SMPDL3B: variants seen among roughly 807,000 people sequenced by gnomAD.
SMPDL3B encodes acid sphingomyelinase-like phosphodiesterase 3b.
In SMPDL3B, 31 loss-of-function variants were observed where a neutral mutation model predicts 37.9. The observed-to-expected ratio is 0.82, with a 90% CI of 0.61 to 1.10. The LOEUF (loss-of-function observed/expected upper bound fraction) is 1.10. Ranked by LOEUF, SMPDL3B falls within the 50% of genes least tolerant of loss-of-function variation. SMPDL3B has a pLI of 0.00. For synonymous variants in SMPDL3B, 235 were observed against 242.6 expected, an observed-to-expected ratio of 0.97 and a Z score of 0.29; for missense variants, 525 against 597.8, an observed-to-expected ratio of 0.88 and a Z score of 1.27.
At chr1:27,935,767 T>G (rs4463696) in intron 1 of SMPDL3B, among the ~76,000 whole-genome samples, 59,460 of 151,844 alleles carry the variant, frequency 0.39, 12,122 homozygotes, top group South Asian at 0.55. Context: ...TTACAAGACG[T>G]CCAGAGAAGA....
rs759636888 is a variant in SMPDL3B at position 27,954,389 on chromosome 1, G to T, written c.553G>T (p.Gly185Trp). 8.1e-6 allele frequency: 13 copies of T among 1,614,060 alleles called. No homozygotes were observed. In the Middle Eastern group the frequency reaches 9.9e-4, roughly 123 times the overall value. ...FYCEKLPGPS[G>W]AGRIVVLNTN... ...CTGTGAGAAGCTGCCGGGTCCCAGC[G>T]GGGCTGGGCGAATTGTGGTCCTCAA... The change falls in exon 5 of 8, where the codon GGG becomes TGG. Residue 185 changes from glycine to tryptophan, a missense_variant. Coordinates refer to ENST00000373894, the MANE Select transcript of SMPDL3B (RefSeq NM_014474.4).
At chr1:27,957,383 C>T (rs577711859) in intron 7 of SMPDL3B, among the ~76,000 whole-genome samples, 86 of 152,186 alleles carry the variant, frequency 5.7e-4, no homozygotes, top group African/African-American at 2.0e-3. Context: ...GCCTGTGCAA[C>T]GGTAGGCTGT....
chr1:27,955,840 T>A lies in SMPDL3B; in HGVS notation c.847T>A (p.Phe283Ile). The A allele has an allele frequency of 6.2e-7, 1 of 1,614,038 alleles. No homozygotes were observed. The change falls in exon 6 of 8, where the codon TTT (phenylalanine) becomes ATT (isoleucine). Residue 283 changes from phenylalanine (F) to isoleucine (I), a missense_variant. By Grantham distance (21) the Phe-to-Ile change is conservative. Transcript: ENST00000373894. Reference protein sequence around the residue: ...QFFGHHHTDSFRMLYDDAGVP... With the variant: ...QFFGHHHTDSIRMLYDDAGVP... ...CTTCGGGCACCACCACACCGACAGC[T>A]TTCGGATGCTCTATGATGATGCAGG...
In SMPDL3B at chr1:27,954,396, G is replaced by A; in HGVS notation, c.560G>A (p.Gly187Glu). The A allele has an allele frequency of 6.2e-7, 1 of 1,614,094 alleles. No individual in the cohort carries two copies. Among genetic ancestry groups the A allele is most frequent in the African/African-American group, 1.3e-5 (1 of 75,052 alleles). Reference sequence around the variant, plus strand: ...AAGCTGCCGGGTCCCAGCGGGGCTGGGCGAATTGTGGTCCTCAACACCAAT... The same window carrying A: ...AAGCTGCCGGGTCCCAGCGGGGCTGAGCGAATTGTGGTCCTCAACACCAAT... ...CEKLPGPSGA[G>E]RIVVLNTNLY... is the part of the protein sequence containing the mutation. The change falls in exon 5 of 8, where the codon GGG becomes GAG. Residue 187 changes from glycine (G) to glutamate (E), a missense_variant. Gly to Glu is a moderately conservative substitution (Grantham distance 98). Transcript: ENST00000373894.
intron 2 of SMPDL3B, among the ~76,000 whole-genome samples, chr1:27,947,854 T>C (rs1279357974): frequency 6.6e-6 from 1 of 151,910 alleles, no homozygotes; most frequent in Non-Finnish European, 1.5e-5. Flanking sequence ...GTGCTGGGAT[T>C]ACAGGCGTGA....
chr1:27,948,348 T>C (rs971291196), intron 2 of SMPDL3B, among the ~76,000 whole-genome samples: 1 of 152,204 alleles, frequency 6.6e-6, no homozygotes, highest in Non-Finnish European at 1.5e-5. Flanking sequence ...GCAGTATTAA[T>C]ACTATTATGC....
rs569861878 is a variant in SMPDL3B at position 27,953,505 on chromosome 1, G to T, written c.517+147G>T. On this transcript the variant is annotated intron_variant, in intron 4 of 7. Transcript: ENST00000373894. ...AGGGTCATACAGCTTAGAAAAGGCAGTCTTGGGAGCAGACTCCAGAATTAA... is the reference window on the plus strand; with the variant it reads ...AGGGTCATACAGCTTAGAAAAGGCATTCTTGGGAGCAGACTCCAGAATTAA... 7.3e-6 allele frequency: 5 copies of T among 688,700 alleles called. No individual in the cohort carries two copies. In the East Asian group the frequency reaches 1.4e-4, roughly 19 times the overall value. The allele number at this position is 688,700 out of a possible 1,614,324, so 42.7% of individuals were successfully genotyped here.
At chr1:27,939,381 C>T (rs2090337248) in intron 1 of SMPDL3B, among the ~76,000 whole-genome samples, 1 of 152,096 alleles carries the variant, frequency 6.6e-6, no homozygotes. Context: ...GACAGGGTCT[C>T]TATCTGTTGC....
rs941683996 is a variant in SMPDL3B at position 27,958,723 on chromosome 1, G to A, written c.1253G>A (p.Arg418His). 8 of 1,613,706 alleles carry A rather than the reference G, an allele frequency of 5.0e-6. No individual in the cohort carries two copies. The African/African-American group carries it at 6.7e-5, about 13-fold the overall frequency. ...AGCATGCAGCACGTGTGTGCCATGC[G>A]CCAGGTGGACATTGACGCTTACACC... Reference protein sequence around the residue: ...ACSMQHVCAMRQVDIDAYTTC... With the variant: ...ACSMQHVCAMHQVDIDAYTTC... Residue 418 changes from arginine to histidine, a missense_variant, in exon 8 of 8, where the codon CGC becomes CAC. Coordinates refer to ENST00000373894, the MANE Select transcript of SMPDL3B (RefSeq NM_014474.4). The surrounding 1 kb of genome is among the most constrained non-coding windows in gnomAD (Gnocchi z 5.6).
intron 1 of SMPDL3B, among the ~76,000 whole-genome samples, chr1:27,941,751 T>C (rs1164653925): frequency 2.0e-5 from 3 of 152,002 alleles, no homozygotes; most frequent in Admixed American, 6.6e-5. Flanking sequence ...TGTGGGAAGA[T>C]TGGGCGAGGC....
chr1:27,938,308 C>T (rs988512984), intron 1 of SMPDL3B, among the ~76,000 whole-genome samples: 12 of 152,190 alleles, frequency 7.9e-5, no homozygotes, highest in South Asian at 6.2e-4. Context: ...GATGAGGAAA[C>T]TAAGGCTCAG....
intron 3 of SMPDL3B, among the ~76,000 whole-genome samples, chr1:27,949,818 C>A (rs773969296): frequency 6.6e-6 from 1 of 152,026 alleles, no homozygotes; most frequent in Non-Finnish European, 1.5e-5. Flanking sequence ...AGCCCATAGC[C>A]CCCACCCCCA....
In SMPDL3B at chr1:27,959,093, A is replaced by C; in HGVS notation, c.*255A>C. 3 of 496,080 alleles carry C rather than the reference A, an allele frequency of 6.0e-6. No homozygotes were observed. The highest frequency in any genetic ancestry group is 3.3e-5 in the Admixed American group (1 of 30,044). 30.7% of individuals were successfully genotyped at this position (496,080 alleles called of 1,614,324 possible). ...AAATGACGACCCAAGACCCCCCTAC[A>C]AGCATACTTCTTTTGCGTATTATGT... On this transcript the variant is annotated 3_prime_UTR_variant, in exon 8 of 8. Coordinates refer to ENST00000373894, the MANE Select transcript of SMPDL3B (RefSeq NM_014474.4).
rs776753975 is a variant in SMPDL3B at position 27,958,583 on chromosome 1, C to G, written c.1113C>G (p.Ser371Arg). 6.8e-6 allele frequency: 11 copies of G among 1,613,820 alleles called. No individual in the cohort carries two copies. Among genetic ancestry groups the G allele is most frequent in the Non-Finnish European group, 9.3e-6 (11 of 1,180,012 alleles). ...AGGCCTATGGGGTGCCGGACGCCAGCGCCCACTCCATGCACACAGTGCTGG... is the reference window on the plus strand; with the variant it reads ...AGGCCTATGGGGTGCCGGACGCCAGGGCCCACTCCATGCACACAGTGCTGG... ...LTEAYGVPDASAHSMHTVLDR... is the reference protein window; with the variant it reads ...LTEAYGVPDARAHSMHTVLDR... Residue 371 changes from serine to arginine, a missense_variant, in exon 8 of 8, where the codon AGC becomes AGG. Ser to Arg is a moderately radical substitution (Grantham distance 110). Coordinates refer to ENST00000373894, the MANE Select transcript of SMPDL3B (RefSeq NM_014474.4). This position sits in a 1 kb window ranked among gnomAD's most constrained non-coding sequence, Gnocchi z 5.6.
chr1:27,950,641 T>C (rs1216372694), intron 3 of SMPDL3B, among the ~76,000 whole-genome samples: 3 of 152,062 alleles, frequency 2.0e-5, no homozygotes, highest in African/African-American at 7.2e-5. Context: ...TATTTTTTTA[T>C]TTTTTTAAGG....
At chr1:27,956,105 G>C in intron 7 of SMPDL3B, 23 bp downstream of exon 7, 1 of 1,614,134 alleles carries the variant, frequency 6.2e-7, no homozygotes, top group Non-Finnish European at 8.5e-7. Flanking sequence ...GCGGAGGCCA[G>C]AGGAGGAGGG....
At chr1:27,947,070 C>T (rs1420030983) in intron 2 of SMPDL3B, among the ~76,000 whole-genome samples, 10 of 148,944 alleles carry the variant, frequency 6.7e-5, no homozygotes, top group Non-Finnish European at 1.5e-5. Flanking sequence ...GAGTTTCGCT[C>T]TTTTTGCCCA....
Position 27,958,352 on chromosome 1 carries a change from T to C in SMPDL3B, c.1006-124T>C. On this transcript the variant is annotated intron_variant, in intron 7 of 7. Coordinates refer to ENST00000373894, the MANE Select transcript of SMPDL3B (RefSeq NM_014474.4). This position sits in a 1 kb window ranked among gnomAD's most constrained non-coding sequence, Gnocchi z 5.6. ...CAAGCACAATGGGTGCACAGCTAAG[T>C]GCTCAATAACTACTAGTGGTCATGG... 7.7e-7 allele frequency: 1 copy of C among 1,298,518 alleles called. No homozygotes were observed. Among genetic ancestry groups the C allele is most frequent in the Non-Finnish European group, 1.1e-6 (1 of 946,670 alleles). The allele number at this position is 1,298,518 out of a possible 1,614,324, so 80.4% of individuals were successfully genotyped here.
At position 27,959,035 on chromosome 1, in the gene SMPDL3B, ACT is replaced by A. The variant is rs1282427525; in HGVS notation, c.*203_*204del. The A allele has an allele frequency of 1.8e-5, 11 of 616,634 alleles. No homozygotes were observed. Among genetic ancestry groups the A allele is most frequent in the South Asian group, 1.4e-4 (6 of 42,450 alleles). The allele number at this position is 616,634 out of a possible 1,614,324, so 38.2% of individuals were successfully genotyped here. On this transcript the variant is annotated 3_prime_UTR_variant, in exon 8 of 8. Coordinates refer to ENST00000373894, the MANE Select transcript of SMPDL3B (RefSeq NM_014474.4). ...ACTCCAGCCTGGGTGACAAAGCCAG[ACT>A]CTCTCCAAAAACAAACCAGAAACAG... is the stretch of plus-strand genomic sequence containing the variant.
Sources: gnomAD v4.1 joint callset for allele counts (sites outside exome capture counted in the v4.1 genomes callset) on GRCh38, gnomAD v4.1.1 for gene constraint, Gnocchi (gnomAD v3.1) non-coding constraint, MANE v1.5 for transcripts, NCBI Gene and HGNC (gene_info 2026-07-23, HGNC 2026-07-21) for gene names.